ADAM8: variants seen among roughly 807,000 people sequenced by gnomAD.
The protein encoded by ADAM8 is disintegrin and metalloproteinase domain-containing protein 8.
In ADAM8, 104 loss-of-function variants were observed where a neutral mutation model predicts 102.4. The ratio of observed to expected loss-of-function variants is 1.02; its 90% confidence interval spans 0.87 to 1.20. ADAM8 has a LOEUF of 1.20. Ranked by LOEUF, ADAM8 falls within the 50% of genes most tolerant of loss-of-function variation. The probability of loss-of-function intolerance (pLI) is 0.00; values close to 1 mark genes in which losing one functional copy is unlikely to be tolerated. For missense variants in ADAM8, 1,132 were observed against 1,159.0 expected (o/e 0.98, Z 0.34); for synonymous variants, 517 against 485.2 (o/e 1.07, Z -0.86).
chr10:133,270,691 T>C, intron 15 of ADAM8, 45 bp downstream of exon 15: 1 of 1,582,530 alleles, frequency 6.3e-7, no homozygotes, highest in Non-Finnish European at 8.6e-7. Flanking sequence ...CTGACCCCGC[T>C]GTGGGAACAG....
chr10:133,273,149 G>A, intron 6 of ADAM8, 105 bp downstream of exon 6: 1 of 1,582,814 alleles, frequency 6.3e-7, no homozygotes, highest in South Asian at 1.1e-5. Flanking sequence ...GCTCCAGGCT[G>A]CAGACAATGG....
At position 133,268,768 on chromosome 10, in the gene ADAM8, G is replaced by A. The variant is rs1846417200; in HGVS notation, c.2043C>T (p.Ala681=). 1.2e-6 allele frequency: 2 copies of A among 1,610,706 alleles called. No homozygotes were observed. The highest frequency in any genetic ancestry group is 1.7e-6 in the Non-Finnish European group (2 of 1,179,840). The change falls in exon 19 of 23, where the codon GCC becomes GCT. Residue 681 remains alanine (A), a synonymous_variant. Coordinates refer to ENST00000445355, the MANE Select transcript of ADAM8 (RefSeq NM_001109.5). The part of the protein sequence containing the change: ...TLAGIIVYRK[A]RSRILSRNVA... ...CTCACCTGCTCAGGATGCGGCTCCG[G>A]GCTTTGCGGTAGACGATGATGCCTG...
At chr10:133,266,049 T>G (rs1235269833) in intron 21 of ADAM8, among the ~76,000 whole-genome samples, 1 of 152,172 alleles carries the variant, frequency 6.6e-6, no homozygotes, top group Non-Finnish European at 1.5e-5. Context: ...GGGCCAGGCC[T>G]GGGCTGTGCC....
chr10:133,270,626 G>A (rs897398425), intron 15 of ADAM8, 110 bp downstream of exon 15: 27 of 1,535,564 alleles, frequency 1.8e-5, no homozygotes, highest in Non-Finnish European at 2.4e-5. Context: ...TGGGGTCCAT[G>A]GGTCCAGAGC....
At position 133,263,736 on chromosome 10, in the gene ADAM8, C is replaced by A; in HGVS notation, c.2349G>T (p.Val783=). The A allele has an allele frequency of 6.4e-7, 1 of 1,573,372 alleles. No individual in the cohort carries two copies. The highest frequency in any genetic ancestry group is 8.6e-7 in the Non-Finnish European group (1 of 1,159,746). The part of the protein sequence containing the change: ...QVIKPTFAPP[V]PPVKPGAGAA... ...CACCAGCCCCGGGTTTGACTGGGGG[C>A]ACTGGGGGTGCGAACGTTGGCTTGA... Residue 783 remains valine, a synonymous_variant, in exon 22 of 23, where the codon GTG becomes GTT. Transcript: ENST00000445355.
intron 10 of ADAM8, 73 bp downstream of exon 10, chr10:133,272,120 C>A: frequency 6.6e-7 from 1 of 1,513,500 alleles, no homozygotes; most frequent in Non-Finnish European, 9.0e-7. Flanking sequence ...GCTCCAGAGA[C>A]CTGGACCGAG....
rs1334918630 is a variant in ADAM8, at chr10:133,271,297, G to A, written c.1285-8C>T. ...GCAGCGGTTCCGGCAGTCCTGGGGCGACGGCAAAGGCCTTGGCAGGCTGCA... is the reference window on the plus strand; with the variant it reads ...GCAGCGGTTCCGGCAGTCCTGGGGCAACGGCAAAGGCCTTGGCAGGCTGCA... On this transcript the variant is annotated splice_polypyrimidine_tract_variant and splice_region_variant and intron_variant, in intron 12 of 22. Coordinates refer to ENST00000445355, the MANE Select transcript of ADAM8 (RefSeq NM_001109.5). 1.8e-5 allele frequency: 29 copies of A among 1,607,652 alleles called. No homozygotes were observed. Among genetic ancestry groups the A allele is most frequent in the East Asian group, 6.7e-5 (3 of 44,708 alleles).
At position 133,262,841 on chromosome 10, in the gene ADAM8, T is replaced by G; in HGVS notation, c.*315A>C. 2.5e-6 allele frequency: 1 copy of G among 402,434 alleles called. No homozygotes were observed. Among genetic ancestry groups the G allele is most frequent in the South Asian group, 2.7e-5 (1 of 37,342 alleles). The allele number at this position is 402,434 out of a possible 1,614,324, so 24.9% of individuals were successfully genotyped here. On this transcript the variant is annotated 3_prime_UTR_variant, in exon 23 of 23. Coordinates refer to ENST00000445355, the MANE Select transcript of ADAM8 (RefSeq NM_001109.5). Reference sequence around the variant, plus strand: ...GCTGGGAGGGGCTGTATATGTGGCCTCCTGAACACAGCGGGAGACCAGCGG... The same window carrying G: ...GCTGGGAGGGGCTGTATATGTGGCCGCCTGAACACAGCGGGAGACCAGCGG...
rs1174677195 is a variant in ADAM8, at chr10:133,268,111, CCACGTTCCTGGGGAGGAAG to C, written c.2064-12_2070del. Reference sequence around the variant, plus strand: ...GAGCGCCCCATTGTGGTCTTGGGAGCCACGTTCCTGGGGAGGAAGCACAGGGCGCATGGTCAGTGTCCGG... The same window carrying C: ...GAGCGCCCCATTGTGGTCTTGGGAGCCACAGGGCGCATGGTCAGTGTCCGG... On this transcript the variant is annotated splice_acceptor_variant and splice_polypyrimidine_tract_variant and coding_sequence_variant and intron_variant, in exon 20 of 23. Coordinates refer to ENST00000445355, the MANE Select transcript of ADAM8 (RefSeq NM_001109.5). LOFTEE classifies it high-confidence loss of function. The C allele has an allele frequency of 7.9e-7, 1 of 1,269,888 alleles. No homozygotes were observed. Among genetic ancestry groups the C allele is most frequent in the Non-Finnish European group, 1.0e-6 (1 of 1,000,562 alleles). The allele number at this position is 1,269,888 out of a possible 1,614,324, so 78.7% of individuals were successfully genotyped here.
Position 133,273,032 on chromosome 10 carries a change from C to A in ADAM8, c.574-13G>T, listed in dbSNP as rs1256904707. ...ATGGCAGAGAGTCCTGGGGAACAGCCACAAGAAGCCAGTCAGCCTTCCCAG... is the reference window on the plus strand; with the variant it reads ...ATGGCAGAGAGTCCTGGGGAACAGCAACAAGAAGCCAGTCAGCCTTCCCAG... On this transcript the variant is annotated splice_polypyrimidine_tract_variant and intron_variant, in intron 6 of 22. Coordinates refer to ENST00000445355, the MANE Select transcript of ADAM8 (RefSeq NM_001109.5). The A allele has an allele frequency of 6.2e-7, 1 of 1,612,772 alleles. No homozygotes were observed. The highest frequency in any genetic ancestry group is 8.5e-7 in the Non-Finnish European group (1 of 1,179,852).
rs936029462 is a variant in ADAM8 at position 133,267,965 on chromosome 10, C to G, written c.2217G>C (p.Pro739=). ...GCCTCTTCAGAGCCACCGAGGAGGCCGGGTGTCGGGCGGGCTGGCCCGGGT... is the reference window on the plus strand; with the variant it reads ...GCCTCTTCAGAGCCACCGAGGAGGCGGGGTGTCGGGCGGGCTGGCCCGGGT... ...TTHPGQPARH[P]ASSVALKRPP... The change falls in exon 20 of 23, where the codon CCG becomes CCC. Residue 739 remains proline, a synonymous_variant. Coordinates refer to ENST00000445355, the MANE Select transcript of ADAM8 (RefSeq NM_001109.5). 4.8e-6 allele frequency: 6 copies of G among 1,261,204 alleles called. No individual in the cohort carries two copies. The highest frequency in any genetic ancestry group is 7.7e-5 in the Admixed American group (2 of 26,092). The allele number at this position is 1,261,204 out of a possible 1,614,324, so 78.1% of individuals were successfully genotyped here.
In ADAM8 at chr10:133,271,541, C is replaced by A; in HGVS notation, c.1271G>T (p.Cys424Phe). The A allele has an allele frequency of 6.4e-7, 1 of 1,556,594 alleles. No individual in the cohort carries two copies. ...LFVERGEQCD[C>F]GPPEDCRNRC... is the part of the protein sequence containing the mutation. ...GCATGGACGCACCTCGGGGGGGCCGCAGTCGCACTGCTCCCCACGCTCCAC... is the reference window on the plus strand; with the variant it reads ...GCATGGACGCACCTCGGGGGGGCCGAAGTCGCACTGCTCCCCACGCTCCAC... Residue 424 changes from cysteine to phenylalanine, a missense_variant, in exon 12 of 23, where the codon TGC (cysteine) becomes TTC (phenylalanine). Physicochemically the swap from Cys to Phe is radical, Grantham distance 205. Transcript: ENST00000445355.
intron 1 of ADAM8, chr10:133,275,868 G>C: frequency 2.6e-6 from 1 of 387,330 alleles, no homozygotes. Flanking sequence ...AGGTCTCCAG[G>C]CTGTCTCAGA....
intron 2 of ADAM8, 64 bp downstream of exon 2, chr10:133,275,420 C>A: frequency 1.6e-6 from 2 of 1,267,814 alleles, no homozygotes; most frequent in Non-Finnish European, 2.2e-6. Context: ...TAAGCTAAAG[C>A]TCCTTTCACA....
At chr10:133,272,740 A>AC (rs3841003) in intron 8 of ADAM8, 58 bp downstream of exon 8, 998,089 of 1,293,204 alleles carry the variant, frequency 0.77, 372,396 homozygotes, top group East Asian at 0.84. Flanking sequence ...CTGTGGCAAC[A>AC]CCCCCCCCAC....
intron 21 of ADAM8, 105 bp downstream of exon 21, chr10:133,267,247 G>T: frequency 7.8e-7 from 1 of 1,282,604 alleles, no homozygotes; most frequent in Non-Finnish European, 1.1e-6. Flanking sequence ...TACAGCAGGG[G>T]CCACCTGGGG....
In ADAM8 at chr10:133,270,342, T is replaced by A; in HGVS notation, c.1785+18A>T. 5 of 1,572,366 alleles carry A rather than the reference T, an allele frequency of 3.2e-6. No homozygotes were observed. Among genetic ancestry groups the A allele is most frequent in the Non-Finnish European group, 4.3e-6 (5 of 1,152,404 alleles). ...GGGATGCCTGGGGGGTGGCGCGGCC[T>A]CTGAGCCAGGGGCTCACCTTCTCTG... On this transcript the variant is annotated intron_variant, in intron 16 of 22. Transcript: ENST00000445355.
Position 133,265,656 on chromosome 10 carries a change from G to T in ADAM8, c.2319+1696C>A, listed in dbSNP as rs1296759044. Among the ~76,000 whole-genome samples the T allele has an allele frequency of 3.3e-5, 5 of 152,072 alleles. No homozygotes were observed. The East Asian group carries it at 9.7e-4, about 29-fold the overall frequency. The stretch of plus-strand genomic sequence containing the variant: ...AAAAAAAATACAAAAATTTAGCCAG[G>T]CATGGTCGCGGGCACCTGTAGTCTC... On this transcript the variant is annotated intron_variant, in intron 21 of 22. Transcript: ENST00000445355.
chr10:133,273,327 C>G lies in ADAM8; in HGVS notation c.500G>C (p.Cys167Ser). The G allele has an allele frequency of 6.3e-7, 1 of 1,578,808 alleles. No homozygotes were observed. Among genetic ancestry groups the G allele is most frequent in the Non-Finnish European group, 8.6e-7 (1 of 1,163,454 alleles). ...AEHLLQTAGT[C>S]GVSDDSLGSL... ...GCCCAGGCTGTCGTCGCTGACCCCG[C>G]AGGTCCCGGCCGTCTGCAGCAGGTG... is the stretch of plus-strand genomic sequence containing the variant. Residue 167 changes from cysteine to serine, a missense_variant, in exon 6 of 23, where the codon TGC becomes TCC. By Grantham distance (112) the Cys-to-Ser change is moderately radical. Coordinates refer to ENST00000445355, the MANE Select transcript of ADAM8 (RefSeq NM_001109.5).
Sources: gnomAD v4.1 joint callset for allele counts (sites outside exome capture counted in the v4.1 genomes callset) on GRCh38, gnomAD v4.1.1 for gene constraint, MANE v1.5 for transcripts, NCBI Gene and HGNC (gene_info 2026-07-23, HGNC 2026-07-21) for gene names.